VPS13A: variants seen among roughly 807,000 people sequenced by gnomAD.
The protein encoded by VPS13A is intermembrane lipid transfer protein VPS13A.
VPS13A carries 264 observed loss-of-function variants against 390.9 expected under a neutral mutation model. That is an observed-to-expected ratio of 0.68 (90% confidence interval 0.61 to 0.75). VPS13A has a LOEUF of 0.75. VPS13A is among the 30% of genes least tolerant of loss of function. VPS13A has a pLI of 0.00. For synonymous variants in VPS13A, 1,231 were observed against 1,227.1 expected, an observed-to-expected ratio of 1.00 and a Z score of -0.07; for missense variants, 3,409 against 3,733.9, an observed-to-expected ratio of 0.91 and a Z score of 2.27.
chr9:77,204,227 A>T (rs1244246263), intron 3 of VPS13A, among the ~76,000 whole-genome samples: 1 of 152,170 alleles, frequency 6.6e-6, no homozygotes, highest in Non-Finnish European at 1.5e-5. Context: ...TCCTTACACA[A>T]TTATGGCAGC....
intron 67 of VPS13A, among the ~76,000 whole-genome samples, chr9:77,372,557 C>A (rs1201958749): frequency 6.6e-6 from 1 of 152,056 alleles, no homozygotes; most frequent in Non-Finnish European, 1.5e-5. Flanking sequence ...TGGAAGCATT[C>A]CCTTTGAAAA....
rs1195116387 is a variant in VPS13A, at chr9:77,403,468, T to C, written c.9275+147T>C. The C allele has an allele frequency of 5.6e-6, 4 of 708,152 alleles. No individual in the cohort carries two copies. The East Asian group carries it at 1.1e-4, about 19-fold the overall frequency. The allele number at this position is 708,152 out of a possible 1,614,324, so 43.9% of individuals were successfully genotyped here. A position where few individuals can be genotyped will look rare whatever the true frequency, so the allele number is the denominator to read the frequency against. On this transcript the variant is annotated intron_variant, in intron 69 of 71. Transcript: ENST00000360280. ...CTCCACAAGCCTAACTCGCTAAACA[T>C]TACATAAATTTCCTGCATAGCTTTG...
At chr9:77,412,495 A>G (rs1298643750) in intron 71 of VPS13A, among the ~76,000 whole-genome samples, 2 of 152,356 alleles carry the variant, frequency 1.3e-5, no homozygotes, top group African/African-American at 4.8e-5. Flanking sequence ...GACAAAAACC[A>G]TATGATTATC....
chr9:77,211,713 T>A (rs1182917813), intron 7 of VPS13A: 1 of 152,182 alleles, frequency 6.6e-6, no homozygotes, highest in East Asian at 1.9e-4. Context: ...AATGTGAAGA[T>A]CTTTGGTAAC....
chr9:77,377,214 T>TC (rs1337391835), intron 67 of VPS13A, among the ~76,000 whole-genome samples: 2 of 124,366 alleles, frequency 1.6e-5, no homozygotes, highest in Admixed American at 1.6e-4. Context: ...TTTTTTTTTT[T>TC]TTTTTTTTTT....
Position 77,226,537 on chromosome 9 carries a change from C to T in VPS13A, c.1296C>T (p.Ser432=), listed in dbSNP as rs1823527711. ...KDPEDNKGWF[S]WLWSWSEQNT... is the part of the protein sequence containing the mutation. ...CAGAGGATAATAAAGGGTGGTTTAG[C>T]TGGCTATGGTCTTGGTCAGAACAAA... Residue 432 remains serine, a synonymous_variant, in exon 15 of 72, where the codon AGC becomes AGT. Coordinates refer to ENST00000360280, the MANE Select transcript of VPS13A (RefSeq NM_033305.3). The T allele has an allele frequency of 1.2e-6, 2 of 1,613,176 alleles. No homozygotes were observed. The highest frequency in any genetic ancestry group is 1.7e-6 in the Non-Finnish European group (2 of 1,179,456).
rs116662312 is a variant in VPS13A at position 77,230,062 on chromosome 9, G to A, written c.1595+1798G>A. On this transcript the variant is annotated intron_variant, in intron 17 of 71. Coordinates refer to ENST00000360280, the MANE Select transcript of VPS13A (RefSeq NM_033305.3). Reference sequence around the variant, plus strand: ...TCTTTGTGCTTATTGGCCATTTCACGTGCATATCTTCTTTGGAGAAATGTC... The same window carrying A: ...TCTTTGTGCTTATTGGCCATTTCACATGCATATCTTCTTTGGAGAAATGTC... 5.8e-3 allele frequency among the ~76,000 whole-genome samples: 885 copies of A among 151,978 alleles called. 12 individuals are homozygous for A. The highest frequency in any genetic ancestry group is 0.02 in the African/African-American group (849 of 41,494).
At chr9:77,180,394 T>C (rs907603105) in intron 1 of VPS13A, among the ~76,000 whole-genome samples, 5 of 152,240 alleles carry the variant, frequency 3.3e-5, no homozygotes, top group African/African-American at 9.6e-5. Flanking sequence ...GAAAATACTT[T>C]CTCAGTCTTT....
chr9:77,220,488 T>C (rs567181209), intron 12 of VPS13A, 105 bp downstream of exon 12: 2 of 781,270 alleles, frequency 2.6e-6, no homozygotes, highest in African/African-American at 3.5e-5. Context: ...TTTTAAGGTC[T>C]GATACAAACC....
intron 22 of VPS13A, among the ~76,000 whole-genome samples, chr9:77,253,701 C>T (rs1283264505): frequency 6.6e-6 from 1 of 152,102 alleles, no homozygotes; most frequent in Non-Finnish European, 1.5e-5. Context: ...CCTTATCACT[C>T]TGTTGATTGT....
rs1424054605 is a variant in VPS13A, at chr9:77,280,232, T to C, written c.2898T>C (p.Tyr966=). The change falls in exon 27 of 72, where the codon TAT becomes TAC. Residue 966 remains tyrosine (Y), a synonymous_variant. Transcript: ENST00000360280. ...TGGAAGACCTGTTAACGCTGGAATA[T>C]GTAAAGGTAAGCAGTTTCATTTATA... The part of the protein sequence containing the change: ...NTMEDLLTLE[Y]VKAEKNVPDL... 1.2e-6 allele frequency: 2 copies of C among 1,611,978 alleles called. No homozygotes were observed.
intron 67 of VPS13A, among the ~76,000 whole-genome samples, chr9:77,375,177 A>C (rs566549260): frequency 1.3e-5 from 2 of 152,264 alleles, no homozygotes; most frequent in South Asian, 4.1e-4. Context: ...GTTTATCTAA[A>C]ACCTTATAAT....
intron 45 of VPS13A, among the ~76,000 whole-genome samples, chr9:77,325,718 T>C (rs1829984393): frequency 6.6e-6 from 1 of 152,094 alleles, no homozygotes; most frequent in Non-Finnish European, 1.5e-5. Flanking sequence ...TAGTCTACCT[T>C]CAAGTAGTAT....
chr9:77,280,926 AC>A (rs1196869737), intron 27 of VPS13A, among the ~76,000 whole-genome samples: 1 of 152,172 alleles, frequency 6.6e-6, no homozygotes. Context: ...TGGTATATAT[AC>A]AAAATGAAAC....
At chr9:77,399,096 A>C (rs931763083) in intron 68 of VPS13A, among the ~76,000 whole-genome samples, 1 of 141,690 alleles carries the variant, frequency 7.1e-6, no homozygotes, top group Non-Finnish European at 1.5e-5. Context: ...GCAGCGCACC[A>C]GCATGGCACA....
rs114803328 is a variant in VPS13A, at chr9:77,178,029, G to A, written c.100+225G>A. The A allele has an allele frequency of 0.012, 6,009 of 516,820 alleles. 92 individuals carry two copies. The highest frequency in any genetic ancestry group is 0.055 in the African/African-American group (2,824 of 51,276). 32.0% of individuals were successfully genotyped at this position (516,820 alleles called of 1,614,324 possible). A position where few individuals can be genotyped will look rare whatever the true frequency, so the allele number is the denominator to read the frequency against. ...GGGGAAAGGAGAGGGTCATGAGTGC[G>A]GGATGAAAAGGTCTATATTTTCCGA... On this transcript the variant is annotated intron_variant, in intron 1 of 71. Transcript: ENST00000360280.
chr9:77,298,528 AT>A (rs960703441), intron 33 of VPS13A, among the ~76,000 whole-genome samples: 25 of 151,280 alleles, frequency 1.7e-4, no homozygotes, highest in Non-Finnish European at 2.7e-4. Context: ...ATAGTGTATC[AT>A]TTTTTTTTCA....
intron 26 of VPS13A, among the ~76,000 whole-genome samples, chr9:77,276,733 G>A (rs756462427): frequency 6.6e-5 from 10 of 152,116 alleles, no homozygotes; most frequent in African/African-American, 9.7e-5. Flanking sequence ...GCCTGTTAGC[G>A]GATGGCTGCC....
rs1477526791 is a variant in VPS13A, at chr9:77,405,924, T to A, written c.9336T>A (p.Ser3112Arg). ...FGQLTCEWQYSFDEFTKEPFI... is the reference protein window; with the variant it reads ...FGQLTCEWQYRFDEFTKEPFI... ...AACTCACGTGTGAGTGGCAGTATAG[T>A]TTTGATGAATTTACCAAAGAGCCAT... Residue 3112 changes from serine to arginine, a missense_variant, in exon 70 of 72, where the codon AGT becomes AGA. Physicochemically the swap from Ser to Arg is moderately radical, Grantham distance 110 (BLOSUM62 -1). Around this residue, in one of 5 missense-constraint regions of VPS13A, gnomAD observed 318 missense variants for 333.7 expected, o/e 0.95. Coordinates refer to ENST00000360280, the MANE Select transcript of VPS13A (RefSeq NM_033305.3). 1.9e-6 allele frequency: 3 copies of A among 1,613,814 alleles called. No individual in the cohort carries two copies. Among genetic ancestry groups the A allele is most frequent in the African/African-American group, 2.7e-5 (2 of 74,912 alleles).
Sources: allele counts gnomAD v4.1 joint callset (sites outside exome capture counted in the v4.1 genomes callset), GRCh38; gene constraint gnomAD v4.1.1; regional missense constraint gnomAD v4.1.1; transcripts MANE v1.5; gene names NCBI Gene and HGNC (gene_info 2026-07-23, HGNC 2026-07-21).